ZNF483: variants seen among roughly 807,000 people sequenced by gnomAD.
The protein encoded by ZNF483 is zinc finger protein 483, also known as zinc finger protein HIT-10.
A neutral mutation model predicts 28.6 loss-of-function variants in ZNF483; 9 were observed. The ratio of observed to expected loss-of-function variants is 0.32; its 90% CI spans 0.19 to 0.55. ZNF483 has a LOEUF of 0.55. Ranked by LOEUF, ZNF483 falls within the 20% of genes least tolerant of loss-of-function variation. ZNF483 has a pLI of 0.93. For synonymous variants in ZNF483, 322 were observed against 306.2 expected, an observed-to-expected ratio of 1.05 and a Z score of -0.54; for missense variants, 675 against 871.7, an observed-to-expected ratio of 0.77 and a Z score of 2.84.
At chr9:111,573,183 C>G (rs936839425) in intron 5 of ZNF483, among the ~76,000 whole-genome samples, 1 of 152,154 alleles carries the variant, frequency 6.6e-6, no homozygotes, top group African/African-American at 2.4e-5. Flanking sequence ...TATTCCTAAT[C>G]GGACTGTGGT....
intron 5 of ZNF483, chr9:111,563,505 C>T: frequency 3.9e-6 from 1 of 258,908 alleles, no homozygotes; most frequent in East Asian, 7.4e-5. Context: ...ATCTCTTTTT[C>T]TTTCTTTTTT....
In ZNF483 at chr9:111,530,857, T is replaced by C. The variant is rs1215464108; in HGVS notation, c.413-18T>C. The C allele has an allele frequency of 1.5e-6, 2 of 1,320,658 alleles. No homozygotes were observed. The highest frequency in any genetic ancestry group is 2.0e-5 in the Admixed American group (1 of 50,606). 81.8% of individuals were successfully genotyped at this position (1,320,658 alleles called of 1,614,324 possible). A position where few individuals can be genotyped will look rare whatever the true frequency, so the allele number is the denominator to read the frequency against. Reference sequence around the variant, plus strand: ...GAATCTGTATGAACGACTGGACTGGTTTTCTCCCCTTTCCTAGATCCAGTC... The same window carrying C: ...GAATCTGTATGAACGACTGGACTGGCTTTCTCCCCTTTCCTAGATCCAGTC... On this transcript the variant is annotated intron_variant, in intron 2 of 5. Transcript: ENST00000309235.
chr9:111,528,154 C>T (rs1008493143), intron 2 of ZNF483: 2 of 864,390 alleles, frequency 2.3e-6, no homozygotes, highest in African/African-American at 3.4e-5. Flanking sequence ...GAGTCACAGG[C>T]AAATCAACCA....
In ZNF483 at chr9:111,562,791, C is replaced by T. The variant is rs779258232; in HGVS notation, c.722-13574C>T. The T allele has an allele frequency of 2.2e-5, 7 of 315,262 alleles. No homozygotes were observed. In the Admixed American group the frequency reaches 2.6e-4, roughly 12 times the overall value. 19.5% of individuals were successfully genotyped at this position (315,262 alleles called of 1,614,324 possible). A position where few individuals can be genotyped will look rare whatever the true frequency, so the allele number is the denominator to read the frequency against. On this transcript the variant is annotated intron_variant, in intron 5 of 5. Transcript: ENST00000358151. ...AGGCCCCAGCGTGTGTTGTTCCCCTCCCTATGTCCATGTGTTCTCATTGTT... is the reference window on the plus strand; with the variant it reads ...AGGCCCCAGCGTGTGTTGTTCCCCTTCCTATGTCCATGTGTTCTCATTGTT...
chr9:111,537,602 A>G (rs1286156843), intron 5 of ZNF483, among the ~76,000 whole-genome samples: 1 of 152,008 alleles, frequency 6.6e-6, no homozygotes, highest in African/African-American at 2.4e-5. Flanking sequence ...TACAGTGTAT[A>G]GTATGTACTA....
At chr9:111,576,568 C>A in exon 6 of ZNF483, 1 of 856,632 alleles carries the variant, frequency 1.2e-6, no homozygotes, top group Non-Finnish European at 1.7e-6. Context: ...TGGCCATAGG[C>A]AAGTTACTTA....
At chr9:111,572,377 G>A (rs1007076263) in intron 5 of ZNF483, among the ~76,000 whole-genome samples, 4 of 152,150 alleles carry the variant, frequency 2.6e-5, no homozygotes, top group East Asian at 1.9e-4. Context: ...AGCAGATCAC[G>A]AGGTCAGGAA....
chr9:111,532,625 C>G (rs753096227), intron 3 of ZNF483, among the ~76,000 whole-genome samples: 7 of 152,164 alleles, frequency 4.6e-5, no homozygotes, highest in Non-Finnish European at 7.3e-5. Flanking sequence ...AGAACAAATT[C>G]CTATTTTGAG....
downstream of ZNF483, among the ~76,000 whole-genome samples, chr9:111,556,352 T>C (rs1036780403): frequency 2.0e-5 from 3 of 152,260 alleles, no homozygotes; most frequent in Non-Finnish European, 2.9e-5. Flanking sequence ...TGGCACAAGC[T>C]GTTGGTGGAT....
intron 5 of ZNF483, among the ~76,000 whole-genome samples, chr9:111,568,281 C>A (rs922021629): frequency 6.6e-6 from 1 of 152,038 alleles, no homozygotes; most frequent in Non-Finnish European, 1.5e-5. Flanking sequence ...GAATGCATTC[C>A]TGGGGGAGGT....
chr9:111,543,955 A>C lies in ZNF483; in HGVS notation c.*785A>C, dbSNP rs1052069946. 8 of 985,200 alleles carry C rather than the reference A, an allele frequency of 8.1e-6. No individual in the cohort carries two copies. In the African/African-American group the frequency reaches 8.7e-5, roughly 11 times the overall value. The allele number at this position is 985,200 out of a possible 1,614,324, so 61.0% of individuals were successfully genotyped here. On this transcript the variant is annotated 3_prime_UTR_variant, in exon 6 of 6. Coordinates refer to ENST00000309235, the MANE Select transcript of ZNF483 (RefSeq NM_133464.5). Reference sequence around the variant, plus strand: ...TGGACTTCTAGCTTAGTGAGAATGCAGTATACTTTTTGAAAACTTCGTGCA... The same window carrying C: ...TGGACTTCTAGCTTAGTGAGAATGCCGTATACTTTTTGAAAACTTCGTGCA...
intron 5 of ZNF483, among the ~76,000 whole-genome samples, chr9:111,568,274 T>C (rs1828660787): frequency 6.6e-6 from 1 of 152,130 alleles, no homozygotes; most frequent in African/African-American, 2.4e-5. Flanking sequence ...GGGGAAGGAA[T>C]GCATTCCTGG....
At chr9:111,532,036 C>G (rs1827359491) in intron 3 of ZNF483, among the ~76,000 whole-genome samples, 1 of 152,158 alleles carries the variant, frequency 6.6e-6, no homozygotes, top group Admixed American at 6.5e-5. Flanking sequence ...TGGCTGGGTA[C>G]AGTGGATCAT....
chr9:111,574,243 C>A (rs1828956918), intron 5 of ZNF483: 2 of 152,162 alleles, frequency 1.3e-5, no homozygotes, highest in African/African-American at 4.8e-5. Context: ...ATAACTGTTT[C>A]TTTTATATTT....
At chr9:111,531,086 T>C (rs905112617) in intron 3 of ZNF483, 123 bp downstream of exon 3, 23 of 278,546 alleles carry the variant, frequency 8.3e-5, no homozygotes, top group Admixed American at 1.3e-4. Context: ...CCCAGCACTT[T>C]GGGAGGCTGA....
chr9:111,552,968 T>C lies in ZNF483; in HGVS notation c.*9798T>C, dbSNP rs1402229529. Among the ~76,000 whole-genome samples, 3 of 152,196 alleles carry C rather than the reference T, an allele frequency of 2.0e-5. No homozygotes were observed. Among genetic ancestry groups the C allele is most frequent in the Admixed American group, 6.5e-5 (1 of 15,280 alleles). ...ATTTCTTCATCTCTCCATCTAAGGTTCTTTGTAGATGCATGTGTAAGAAGC... is the reference window on the plus strand; with the variant it reads ...ATTTCTTCATCTCTCCATCTAAGGTCCTTTGTAGATGCATGTGTAAGAAGC... On this transcript the variant is annotated 3_prime_UTR_variant, in exon 6 of 6. Transcript: ENST00000309235.
chr9:111,531,014 C>T (rs1281832610), intron 3 of ZNF483, 51 bp downstream of exon 3: 15 of 891,654 alleles, frequency 1.7e-5, no homozygotes, highest in Non-Finnish European at 2.3e-5. Context: ...TAATTGAGCT[C>T]CTACTGAGTG....
In ZNF483 at chr9:111,547,139, G is replaced by T. The variant is rs1827827020; in HGVS notation, c.*3969G>T. 6.6e-6 allele frequency among the ~76,000 whole-genome samples: 1 copy of T among 152,080 alleles called. No homozygotes were observed. The highest frequency in any genetic ancestry group is 1.5e-5 in the Non-Finnish European group (1 of 67,976). ...CATTTTGGCTATCAAGAATAACATTGCTATAATCAGTGGTGCTTTCTGTTC... is the reference window on the plus strand; with the variant it reads ...CATTTTGGCTATCAAGAATAACATTTCTATAATCAGTGGTGCTTTCTGTTC... On this transcript the variant is annotated 3_prime_UTR_variant, in exon 6 of 6. Transcript: ENST00000309235.
Position 111,542,837 on chromosome 9 carries a change from C to A in ZNF483, c.1902C>A (p.Pro634=). The change falls in exon 6 of 6, where the codon CCC becomes CCA. Residue 634 remains proline, a synonymous_variant. Coordinates refer to ENST00000309235, the MANE Select transcript of ZNF483 (RefSeq NM_133464.5). This position sits in a 1 kb window ranked among gnomAD's most constrained non-coding sequence, Gnocchi z 6.2. ...AAAGACTTCATTCAGGAGAAAAACCCTACAAATGTAACCAGTGTGAGAAAG... is the reference window on the plus strand; with the variant it reads ...AAAGACTTCATTCAGGAGAAAAACCATACAAATGTAACCAGTGTGAGAAAG... ...YHQRLHSGEK[P]YKCNQCEKAF... 1 of 1,614,106 alleles carries A rather than the reference C, an allele frequency of 6.2e-7. No homozygotes were observed. Among genetic ancestry groups the A allele is most frequent in the Middle Eastern group, 1.6e-4 (1 of 6,062 alleles).
Sources: allele counts gnomAD v4.1 joint callset (sites outside exome capture counted in the v4.1 genomes callset), GRCh38; gene constraint gnomAD v4.1.1; non-coding constraint Gnocchi (gnomAD v3.1); transcripts MANE v1.5; gene names NCBI Gene and HGNC (gene_info 2026-07-23, HGNC 2026-07-21).